Variants in MGAT5 observed in about 807,000 individuals in gnomAD.
The protein encoded by MGAT5 is alpha-1,6-mannosylglycoprotein 6-beta-N-acetylglucosaminyltransferase, also known as alpha-1,6-mannosylglycoprotein 6-beta-N-acetylglucosaminyltransferase A.
A neutral mutation model predicts 94.3 loss-of-function variants in MGAT5; 30 were observed. That is an observed-to-expected ratio of 0.32 (90% CI 0.24 to 0.43). The LOEUF is 0.43. Ranked by LOEUF, MGAT5 falls within the 20% of genes least tolerant of loss-of-function variation. The probability of loss-of-function intolerance (pLI) is 1.00; values close to 1 mark genes in which losing one functional copy is unlikely to be tolerated. For missense variants in MGAT5, 691 were observed against 905.5 expected (o/e 0.76, Z 3.04); for synonymous variants, 310 against 322.9 (o/e 0.96, Z 0.43).
Position 134,246,550 on chromosome 2 carries a change from G to A in MGAT5, c.-142-7712G>A, listed in dbSNP as rs1682277064. 2.6e-5 allele frequency among the ~76,000 whole-genome samples: 4 copies of A among 152,188 alleles called. No individual in the cohort carries two copies. In the South Asian group the frequency reaches 8.3e-4, roughly 32 times the overall value. ...CGTTCCATCTGTCTTTCTTACACCAGTAATCCTGTAAATGTGTATTTTTCT... is the reference window on the plus strand; with the variant it reads ...CGTTCCATCTGTCTTTCTTACACCAATAATCCTGTAAATGTGTATTTTTCT... On this transcript the variant is annotated intron_variant, in intron 1 of 16. Transcript: ENST00000409645.
intron 1 of MGAT5, among the ~76,000 whole-genome samples, chr2:134,130,018 G>C (rs1686053252): frequency 6.6e-6 from 1 of 152,196 alleles, no homozygotes; most frequent in African/African-American, 2.4e-5. Flanking sequence ...GGCTCCGCGG[G>C]CCCCGCACTC....
Position 134,268,266 on chromosome 2 carries a change from G to A in MGAT5, c.242-2120G>A, listed in dbSNP as rs16830300. On this transcript the variant is annotated intron_variant, in intron 1 of 15. Coordinates refer to ENST00000281923, the MANE Select transcript of MGAT5 (RefSeq NM_002410.5). The surrounding 1 kb of genome is among the most constrained non-coding windows in gnomAD (Gnocchi z 4.1). The stretch of plus-strand genomic sequence containing the variant: ...TGATAGTTAAATGCTATTCTAGATT[G>A]TATTCGGATTCTAGCTGGCTGATGA... 6.6e-6 allele frequency among the ~76,000 whole-genome samples: 1 copy of A among 152,208 alleles called. No individual in the cohort carries two copies. The highest frequency in any genetic ancestry group is 1.5e-5 in the Non-Finnish European group (1 of 68,048).
At chr2:134,215,398 G>A (rs1680438368) in intron 1 of MGAT5, among the ~76,000 whole-genome samples, 1 of 152,148 alleles carries the variant, frequency 6.6e-6, no homozygotes, top group South Asian at 2.1e-4. Context: ...TCTGGAGGCT[G>A]GGAAGTTCAA....
intron 12 of MGAT5, 64 bp downstream of exon 12, chr2:134,413,079 C>A (rs1487096357): frequency 6.4e-7 from 1 of 1,551,242 alleles, no homozygotes; most frequent in Non-Finnish European, 8.9e-7. Flanking sequence ...ATTGAGTGCT[C>A]ATGTAGGTAT....
chr2:134,179,505 C>T (rs1688633987), intron 1 of MGAT5, among the ~76,000 whole-genome samples: 1 of 152,100 alleles, frequency 6.6e-6, no homozygotes, highest in Non-Finnish European at 1.5e-5. Context: ...TTCACTAATT[C>T]AGTGTTTGCA....
intron 1 of MGAT5, among the ~76,000 whole-genome samples, chr2:134,230,845 CA>C (rs1681324083): frequency 6.6e-6 from 1 of 152,114 alleles, no homozygotes; most frequent in Admixed American, 6.6e-5. Context: ...CACACACACA[CA>C]CCCATCAAGT....
chr2:134,197,824 C>G (rs1679572718), intron 1 of MGAT5, among the ~76,000 whole-genome samples: 1 of 152,146 alleles, frequency 6.6e-6, no homozygotes, highest in Non-Finnish European at 1.5e-5. Flanking sequence ...CAGTGTTGCT[C>G]TCCTTTGTAT....
At chr2:134,248,299 G>A (rs1559010201) in intron 1 of MGAT5, among the ~76,000 whole-genome samples, 1 of 152,204 alleles carries the variant, frequency 6.6e-6, no homozygotes, top group African/African-American at 2.4e-5. Flanking sequence ...GCAAGGCATG[G>A]CCATTGCCGG....
intron 1 of MGAT5, among the ~76,000 whole-genome samples, chr2:134,257,745 A>G (rs972414819): frequency 1.1e-4 from 16 of 150,964 alleles, no homozygotes; most frequent in African/African-American, 3.9e-4. Flanking sequence ...AGTTAATGTC[A>G]CATGCTGGTG....
chr2:134,390,640 G>T (rs1286446739), intron 10 of MGAT5, among the ~76,000 whole-genome samples: 1 of 152,152 alleles, frequency 6.6e-6, no homozygotes, highest in Non-Finnish European at 1.5e-5. Flanking sequence ...CTTTAACCTT[G>T]TCCTATGTCT....
At chr2:134,135,887 T>C (rs985534744) in intron 1 of MGAT5, among the ~76,000 whole-genome samples, 9 of 150,952 alleles carry the variant, frequency 6.0e-5, no homozygotes, top group African/African-American at 2.2e-4. Context: ...TGTAGGTCTC[T>C]GCATTATTCT....
intron 11 of MGAT5, 81 bp from the exon 12 acceptor site, chr2:134,412,788 C>T (rs1293404084): frequency 1.2e-5 from 19 of 1,556,020 alleles, no homozygotes; most frequent in African/African-American, 9.5e-5. Context: ...ACAGAATCGC[C>T]GCCTGCAAGC....
At chr2:134,161,123 G>A (rs1210537473) in intron 1 of MGAT5, among the ~76,000 whole-genome samples, 1 of 152,234 alleles carries the variant, frequency 6.6e-6, no homozygotes, top group Non-Finnish European at 1.5e-5. Flanking sequence ...TGCGTTTGCA[G>A]CTCTTTACAG....
chr2:134,408,869 AT>A (rs1443951073), intron 11 of MGAT5, among the ~76,000 whole-genome samples: 3 of 152,220 alleles, frequency 2.0e-5, no homozygotes, highest in African/African-American at 7.2e-5. Flanking sequence ...CATTAATATA[AT>A]GATTCCCAGT....
chr2:134,121,949 T>C (rs1685614978), intron 1 of MGAT5, among the ~76,000 whole-genome samples: 1 of 152,174 alleles, frequency 6.6e-6, no homozygotes, highest in Non-Finnish European at 1.5e-5. Flanking sequence ...CAGTTTTTCA[T>C]GAAGGGCAAA....
intron 1 of MGAT5, among the ~76,000 whole-genome samples, chr2:134,217,366 T>C (rs1680553541): frequency 6.6e-6 from 1 of 152,104 alleles, no homozygotes; most frequent in Non-Finnish European, 1.5e-5. Context: ...CTTTGGACTT[T>C]CATGTTAAAT....
chr2:134,348,597 A>C (rs893381287), intron 8 of MGAT5, among the ~76,000 whole-genome samples: 11 of 152,200 alleles, frequency 7.2e-5, no homozygotes, highest in African/African-American at 2.7e-4. Context: ...TGCTTTTCTG[A>C]TAGTAGGAAA....
At chr2:134,139,466 C>G (rs1296415352) in intron 1 of MGAT5, among the ~76,000 whole-genome samples, 1 of 152,134 alleles carries the variant, frequency 6.6e-6, no homozygotes, top group Non-Finnish European at 1.5e-5. Context: ...TCCCAGCCCT[C>G]AAATACACTG....
chr2:134,322,300 T>C (rs534438417), intron 4 of MGAT5, among the ~76,000 whole-genome samples: 4 of 152,332 alleles, frequency 2.6e-5, no homozygotes, highest in African/African-American at 7.2e-5. Context: ...CATTTACCAG[T>C]GTAATGCAAT....
Sources: allele counts gnomAD v4.1 joint callset (sites outside exome capture counted in the v4.1 genomes callset), GRCh38; gene constraint gnomAD v4.1.1; non-coding constraint Gnocchi (gnomAD v3.1); transcripts MANE v1.5; gene names NCBI Gene and HGNC (gene_info 2026-07-23, HGNC 2026-07-21).